The following CAST variants were observed in gnomAD, a reference collection of about 807,000 sequenced individuals.
The protein encoded by CAST is MIR583 host.
In CAST, 76 loss-of-function variants were observed where a neutral mutation model predicts 119.6. That is an observed-to-expected ratio of 0.64 (90% CI 0.53 to 0.77). The LOEUF is 0.77. Ranked by LOEUF, CAST falls within the 30% of genes least tolerant of loss-of-function variation. CAST has a pLI of 0.00. For synonymous variants in CAST, 319 were observed against 331.6 expected (o/e 0.96, Z 0.41); for missense variants, 953 against 946.5 (o/e 1.01, Z -0.09).
At chr5:95,997,445 A>T in the CAST span, among the ~76,000 whole-genome samples, 2 of 151,506 alleles carry the variant, frequency 1.3e-5, no homozygotes, top group African/African-American at 4.9e-5. Context: ...ACTTAATCAC[A>T]GTGCTCCAGA....
At chr5:96,626,569 A>T (rs1256652388) in intron 1 of CAST, among the ~76,000 whole-genome samples, 1 of 151,640 alleles carries the variant, frequency 6.6e-6, no homozygotes, top group African/African-American at 2.4e-5. Flanking sequence ...ATGAAGCCCC[A>T]CCTCCTCCCA....
At chr5:96,649,755 T>G (rs1406227636) in intron 1 of CAST, among the ~76,000 whole-genome samples, 1 of 152,254 alleles carries the variant, frequency 6.6e-6, no homozygotes, top group African/African-American at 2.4e-5. Flanking sequence ...ACAGGTTTAT[T>G]GTCGGCATTC....
chr5:96,708,737 T>C (rs1232976323), intron 3 of CAST, among the ~76,000 whole-genome samples: 4 of 152,196 alleles, frequency 2.6e-5, no homozygotes, highest in African/African-American at 9.6e-5. Flanking sequence ...CTGATTCACC[T>C]GCCTCGGCCT....
the CAST span, among the ~76,000 whole-genome samples, chr5:96,341,213 C>T: frequency 1.3e-5 from 2 of 151,864 alleles, no homozygotes; most frequent in African/African-American, 4.8e-5. Flanking sequence ...CTTATTTGTC[C>T]CCTTGTCATT....
At chr5:96,474,773 A>G in the CAST span, among the ~76,000 whole-genome samples, 29 of 152,290 alleles carry the variant, frequency 1.9e-4, no homozygotes, top group South Asian at 5.8e-3. Flanking sequence ...TCATAGGAAG[A>G]AAGTGGAACA....
the CAST span, among the ~76,000 whole-genome samples, chr5:96,358,675 A>T: frequency 6.6e-6 from 1 of 152,178 alleles, no homozygotes; most frequent in South Asian, 2.1e-4. Context: ...TTCTAATTTG[A>T]TTGCAGTGTG....
chr5:95,961,915 G>A, the CAST span: 12 of 664,704 alleles, frequency 1.8e-5, no homozygotes, highest in Non-Finnish European at 2.5e-5. Flanking sequence ...CCCGCGCCCC[G>A]CCCCGGGCTC....
At chr5:96,046,433 T>C in the CAST span, among the ~76,000 whole-genome samples, 1 of 152,176 alleles carries the variant, frequency 6.6e-6, no homozygotes, top group Non-Finnish European at 1.5e-5. Context: ...TCTGACTTAG[T>C]CTTTAATTAA....
chr5:95,992,784 G>T, the CAST span, among the ~76,000 whole-genome samples: 12 of 152,202 alleles, frequency 7.9e-5, no homozygotes, highest in Non-Finnish European at 1.2e-4. Flanking sequence ...TGGGTGAGGG[G>T]TATGTGAGAA....
chr5:96,279,355 T>C, the CAST span, among the ~76,000 whole-genome samples: 1 of 152,154 alleles, frequency 6.6e-6, no homozygotes, highest in African/African-American at 2.4e-5. Context: ...GATGAGATGT[T>C]TGCATCTCTA....
intron 1 of CAST, among the ~76,000 whole-genome samples, chr5:96,541,367 G>A (rs1745910028): frequency 6.6e-6 from 1 of 151,414 alleles, no homozygotes. Flanking sequence ...CTTTGTTTTT[G>A]ACACTACAAG....
chr5:96,445,435 C>T, the CAST span, among the ~76,000 whole-genome samples: 9 of 152,302 alleles, frequency 5.9e-5, no homozygotes, highest in South Asian at 1.5e-3. Flanking sequence ...TCTTGCTCTG[C>T]AGAAAAGAAC....
the CAST span, among the ~76,000 whole-genome samples, chr5:96,129,885 TG>T: frequency 6.6e-6 from 1 of 152,104 alleles, no homozygotes; most frequent in Non-Finnish European, 1.5e-5. Flanking sequence ...TGATTACCTT[TG>T]TTTTTTTACC....
the CAST span, among the ~76,000 whole-genome samples, chr5:95,965,515 T>C: frequency 6.6e-6 from 1 of 152,246 alleles, no homozygotes; most frequent in Non-Finnish European, 1.5e-5. Context: ...TACAAGGCAA[T>C]GGCTTCTGTT....
the CAST span, among the ~76,000 whole-genome samples, chr5:96,282,552 A>G: frequency 6.6e-6 from 1 of 151,916 alleles, no homozygotes; most frequent in Non-Finnish European, 1.5e-5. Flanking sequence ...TCCAAGTATC[A>G]ATCACCAACT....
the CAST span, among the ~76,000 whole-genome samples, chr5:96,341,099 A>G: frequency 3.3e-5 from 5 of 152,208 alleles, no homozygotes; most frequent in Admixed American, 2.6e-4. Context: ...TGCCTGTGAG[A>G]TTCTATGCAG....
At chr5:96,116,910 A>C in the CAST span, among the ~76,000 whole-genome samples, 2 of 152,138 alleles carry the variant, frequency 1.3e-5, no homozygotes, top group African/African-American at 2.4e-5. Context: ...TTTTTAAATT[A>C]TGGGGTTTTA....
At chr5:96,374,913 G>T in the CAST span, among the ~76,000 whole-genome samples, 1 of 152,154 alleles carries the variant, frequency 6.6e-6, no homozygotes, top group African/African-American at 2.4e-5. Flanking sequence ...GGTGGTAGCA[G>T]GGCTGTTTTC....
At chr5:96,203,438 A>G in the CAST span, among the ~76,000 whole-genome samples, 1 of 152,034 alleles carries the variant, frequency 6.6e-6, no homozygotes, top group African/African-American at 2.4e-5. Flanking sequence ...AAGGACACAA[A>G]TTATATTGAA....
Sources: allele counts gnomAD v4.1 joint callset (sites outside exome capture counted in the v4.1 genomes callset), GRCh38; gene constraint gnomAD v4.1.1; transcripts MANE v1.5; gene names NCBI Gene and HGNC (gene_info 2026-07-23, HGNC 2026-07-21).